Variants in ZCCHC14 observed in about 807,000 individuals in gnomAD.
The protein encoded by ZCCHC14 is zinc finger CCHC-type containing 14, also known as zinc finger CCHC domain-containing protein 14.
ZCCHC14 carries 16 observed loss-of-function variants against 85.0 expected under a neutral mutation model. That is an observed-to-expected ratio of 0.19 (90% CI 0.13 to 0.29). ZCCHC14 has a LOEUF of 0.29. ZCCHC14 is among the 10% of genes least tolerant of loss of function. The pLI, the probability that ZCCHC14 is intolerant of heterozygous loss-of-function variation, is 1.00. For missense variants in ZCCHC14, 1,303 were observed against 1,443.5 expected (o/e 0.90, Z 1.58); for synonymous variants, 775 against 630.7 (o/e 1.23, Z -3.43).
intron 3 of ZCCHC14, among the ~76,000 whole-genome samples, chr16:87,431,658 G>A (rs997011664): frequency 1.3e-5 from 2 of 152,154 alleles, no homozygotes; most frequent in African/African-American, 2.4e-5. Context: ...ATGACCATAT[G>A]CGAAGACAGC....
At chr16:87,478,313 T>G (rs1912114878) in intron 1 of ZCCHC14, among the ~76,000 whole-genome samples, 1 of 152,176 alleles carries the variant, frequency 6.6e-6, no homozygotes, top group Non-Finnish European at 1.5e-5. Context: ...CCAGCAAGAA[T>G]TCCATGATTC....
At chr16:87,459,967 C>CA in intron 2 of ZCCHC14, 41 bp downstream of exon 2, 1 of 1,613,240 alleles carries the variant, frequency 6.2e-7, no homozygotes, top group Non-Finnish European at 8.5e-7. Flanking sequence ...GCCCATCCTC[C>CA]GTCCGTCAGA....
intron 2 of ZCCHC14, among the ~76,000 whole-genome samples, chr16:87,456,272 T>A (rs1170885509): frequency 6.6e-6 from 1 of 152,144 alleles, no homozygotes; most frequent in East Asian, 1.9e-4. Context: ...GGCTCACGCC[T>A]GTAATCCCAG....
At chr16:87,459,408 G>A (rs1049548846) in intron 2 of ZCCHC14, among the ~76,000 whole-genome samples, 15 of 151,178 alleles carry the variant, frequency 9.9e-5, no homozygotes, top group South Asian at 2.1e-4. Flanking sequence ...GCAGTGGCAC[G>A]ATCTCGGCTC....
Position 87,467,299 on chromosome 16 carries a change from T to C in ZCCHC14, c.571-7168A>G, listed in dbSNP as rs1462105075. The stretch of plus-strand genomic sequence containing the variant: ...ATGGAGATCTGGTTTTTATCAAGCC[T>C]CAATAATGTAACACTGCCCCAAGCG... On this transcript the variant is annotated intron_variant, in intron 1 of 12. Transcript: ENST00000671377. 6 of 1,579,554 alleles carry C rather than the reference T, an allele frequency of 3.8e-6. No homozygotes were observed. In the Admixed American group the frequency reaches 1.0e-4, roughly 26 times the overall value.
At chr16:87,473,680 C>T (rs1364539805) in intron 1 of ZCCHC14, 5 of 152,008 alleles carry the variant, frequency 3.3e-5, no homozygotes, top group African/African-American at 1.2e-4. Context: ...TATTCAGCTC[C>T]CTGAGATGGA....
chr16:87,411,385 A>C (rs1303468306), intron 12 of ZCCHC14, 131 bp downstream of exon 12: 1 of 1,513,744 alleles, frequency 6.6e-7, no homozygotes, highest in East Asian at 2.3e-5. Context: ...GAAGATTTCC[A>C]CGCGCTTTCA....
chr16:87,436,943 G>A (rs1423418408), intron 2 of ZCCHC14, among the ~76,000 whole-genome samples: 1 of 152,142 alleles, frequency 6.6e-6, no homozygotes, highest in East Asian at 1.9e-4. Flanking sequence ...TCTGCACGCA[G>A]ACACTCATTA....
chr16:87,432,620 T>C (rs1909717832), intron 3 of ZCCHC14, among the ~76,000 whole-genome samples: 1 of 152,028 alleles, frequency 6.6e-6, no homozygotes, highest in Non-Finnish European at 1.5e-5. Context: ...GAGAGGGAAA[T>C]GGGCTTCTGG....
intron 10 of ZCCHC14, 90 bp from the exon 11 acceptor site, chr16:87,413,285 GCTC>G: frequency 7.0e-7 from 1 of 1,431,398 alleles, no homozygotes; most frequent in South Asian, 1.5e-5. Context: ...GTCGGCAGGT[GCTC>G]CTTCCAGGGA....
In ZCCHC14 at chr16:87,491,612, T is replaced by A; in HGVS notation, c.570+57A>T. 7.5e-7 allele frequency: 1 copy of A among 1,336,554 alleles called. No homozygotes were observed. The highest frequency in any genetic ancestry group is 9.6e-7 in the Non-Finnish European group (1 of 1,044,816). 82.8% of individuals were successfully genotyped at this position (1,336,554 alleles called of 1,614,324 possible). A position where few individuals can be genotyped will look rare whatever the true frequency, so the allele number is the denominator to read the frequency against. The stretch of plus-strand genomic sequence containing the variant: ...CGCGGTGCAGGCTGGAGGCTTGGAG[T>A]GCAGAGTTGGGGATGCAGACTTGGG... On this transcript the variant is annotated intron_variant, in intron 1 of 12. Transcript: ENST00000671377. The surrounding 1 kb of genome is among the most constrained non-coding windows in gnomAD (Gnocchi z 5.9).
At chr16:87,434,398 G>A (rs755430863) in intron 2 of ZCCHC14, among the ~76,000 whole-genome samples, 9 of 152,186 alleles carry the variant, frequency 5.9e-5, no homozygotes, top group Admixed American at 2.6e-4. Context: ...GCCCCACGCC[G>A]AGCTTTACAC....
At chr16:87,437,837 A>C (rs1490692389) in intron 2 of ZCCHC14, among the ~76,000 whole-genome samples, 1 of 152,238 alleles carries the variant, frequency 6.6e-6, no homozygotes, top group Admixed American at 6.5e-5. Context: ...CCAGTACTCT[A>C]ACGTAGCAAC....
intron 2 of ZCCHC14, among the ~76,000 whole-genome samples, chr16:87,434,254 G>A (rs934764145): frequency 1.3e-5 from 2 of 152,200 alleles, no homozygotes; most frequent in Admixed American, 1.3e-4. Context: ...AAATAAAACA[G>A]CCGCGTATCG....
chr16:87,432,539 T>A (rs1909713984), intron 3 of ZCCHC14, among the ~76,000 whole-genome samples: 1 of 152,112 alleles, frequency 6.6e-6, no homozygotes, highest in African/African-American at 2.4e-5. Flanking sequence ...CCTGTACCCC[T>A]AAGGGCACCC....
At chr16:87,479,055 C>A (rs1190963778) in intron 1 of ZCCHC14, among the ~76,000 whole-genome samples, 1 of 152,108 alleles carries the variant, frequency 6.6e-6, no homozygotes, top group Non-Finnish European at 1.5e-5. Context: ...AATCTTTTTT[C>A]AAGTCTAGAC....
intron 6 of ZCCHC14, 45 bp downstream of exon 6, chr16:87,419,738 T>TG (rs769803546): frequency 1.3e-4 from 182 of 1,350,584 alleles, no homozygotes; most frequent in Non-Finnish European, 1.8e-4. Flanking sequence ...GCCCAGCTGT[T>TG]TTTTTTTTTT....
At chr16:87,445,186 C>A (rs1448390382) in intron 2 of ZCCHC14, among the ~76,000 whole-genome samples, 1 of 151,984 alleles carries the variant, frequency 6.6e-6, no homozygotes, top group Non-Finnish European at 1.5e-5. Context: ...CCTGCCTCAG[C>A]CTCCGAAGCA....
Position 87,415,452 on chromosome 16 carries a change from T to C in ZCCHC14, c.1384-85A>G, listed in dbSNP as rs1176731993. 7 of 1,177,506 alleles carry C rather than the reference T, an allele frequency of 5.9e-6. No individual in the cohort carries two copies. The African/African-American group carries it at 6.1e-5, about 10-fold the overall frequency. 72.9% of individuals were successfully genotyped at this position (1,177,506 alleles called of 1,614,324 possible). On this transcript the variant is annotated intron_variant, in intron 8 of 12. Coordinates refer to ENST00000671377, the MANE Select transcript of ZCCHC14 (RefSeq NM_015144.3). ...AGAACTTGGAGTTGAATTCAGTACA[T>C]TTATTCTGCCTCTGGGATATGCAAA...
Sources: allele counts gnomAD v4.1 joint callset (sites outside exome capture counted in the v4.1 genomes callset), GRCh38; gene constraint gnomAD v4.1.1; non-coding constraint Gnocchi (gnomAD v3.1); transcripts MANE v1.5; gene names NCBI Gene and HGNC (gene_info 2026-07-23, HGNC 2026-07-21).